HS6ST3: variants seen among roughly 807,000 people sequenced by gnomAD.
HS6ST3 encodes the protein heparan-sulfate 6-O-sulfotransferase 3.
A neutral mutation model predicts 36.7 loss-of-function variants in HS6ST3; 12 were observed. The ratio of observed to expected loss-of-function variants is 0.33; its 90% CI spans 0.21 to 0.53. The LOEUF is 0.53. Among genes scored for constraint, HS6ST3 ranks in the 20% least tolerant of loss-of-function variants. The pLI, the probability that HS6ST3 is intolerant of heterozygous loss-of-function variation, is 0.95. For missense variants in HS6ST3, 584 were observed against 640.9 expected (o/e 0.91, Z 0.96); for synonymous variants, 240 against 257.5 (o/e 0.93, Z 0.65).
intron 1 of HS6ST3, among the ~76,000 whole-genome samples, chr13:96,645,159 A>G (rs939686954): frequency 2.6e-5 from 4 of 152,064 alleles, no homozygotes; most frequent in African/African-American, 7.2e-5. Flanking sequence ...TGTTCTCACA[A>G]TGCTTTTAAG....
chr13:96,256,512 G>A (rs2054638370), intron 1 of HS6ST3, among the ~76,000 whole-genome samples: 1 of 152,186 alleles, frequency 6.6e-6, no homozygotes, highest in Non-Finnish European at 1.5e-5. Flanking sequence ...TGTGTGGTAG[G>A]GATCAGGAAG....
intron 1 of HS6ST3, among the ~76,000 whole-genome samples, chr13:96,102,698 C>T (rs1354551711): frequency 1.3e-5 from 2 of 152,166 alleles, no homozygotes; most frequent in Non-Finnish European, 2.9e-5. Context: ...GTAATTTTCT[C>T]TTCAACACCT....
At chr13:96,653,370 C>A (rs1429793902) in intron 1 of HS6ST3, among the ~76,000 whole-genome samples, 1 of 152,100 alleles carries the variant, frequency 6.6e-6, no homozygotes, top group East Asian at 1.9e-4. Context: ...GCCCCTCACC[C>A]ACTGACAAGC....
chr13:96,144,704 A>G (rs564160059), intron 1 of HS6ST3, among the ~76,000 whole-genome samples: 2 of 151,232 alleles, frequency 1.3e-5, no homozygotes, highest in East Asian at 2.0e-4. Flanking sequence ...GGTTTGTTAC[A>G]TATGTATACA....
At chr13:96,352,104 T>G (rs1207318396) in intron 1 of HS6ST3, among the ~76,000 whole-genome samples, 1 of 152,210 alleles carries the variant, frequency 6.6e-6, no homozygotes, top group Non-Finnish European at 1.5e-5. Flanking sequence ...GGAGGTCCAT[T>G]CTATGTAAAT....
intron 1 of HS6ST3, among the ~76,000 whole-genome samples, chr13:96,586,300 G>A (rs1290456978): frequency 2.0e-5 from 3 of 151,254 alleles, no homozygotes; most frequent in South Asian, 2.1e-4. Flanking sequence ...GTATTTCAAT[G>A]TCTTTTTTTT....
intron 1 of HS6ST3, among the ~76,000 whole-genome samples, chr13:96,416,665 T>G (rs2055534538): frequency 6.6e-6 from 1 of 151,900 alleles, no homozygotes; most frequent in South Asian, 2.1e-4. Flanking sequence ...AAGTGTATTT[T>G]TTTTTTTTTT....
intron 1 of HS6ST3, among the ~76,000 whole-genome samples, chr13:96,371,136 T>C (rs1024134509): frequency 2.6e-5 from 4 of 152,216 alleles, no homozygotes; most frequent in African/African-American, 9.6e-5. Context: ...CATAGTTTGA[T>C]TGAGTCATCT....
intron 1 of HS6ST3, among the ~76,000 whole-genome samples, chr13:96,454,816 A>G (rs1315070236): frequency 2.6e-5 from 4 of 151,576 alleles, no homozygotes; most frequent in Admixed American, 6.6e-5. Context: ...TATGTGGTTC[A>G]CTTCTTGTTT....
intron 1 of HS6ST3, among the ~76,000 whole-genome samples, chr13:96,278,183 T>A (rs1468969330): frequency 1.3e-5 from 2 of 152,194 alleles, no homozygotes; most frequent in Non-Finnish European, 1.5e-5. Flanking sequence ...ATTCAAGACC[T>A]ATGACAATCA....
chr13:96,148,938 A>G (rs530914336), intron 1 of HS6ST3, among the ~76,000 whole-genome samples: 1 of 152,354 alleles, frequency 6.6e-6, no homozygotes, highest in South Asian at 2.1e-4. Context: ...TATGAGAGGA[A>G]AACAAGACTG....
chr13:96,129,033 G>A (rs921028896), intron 1 of HS6ST3, among the ~76,000 whole-genome samples: 4 of 152,008 alleles, frequency 2.6e-5, no homozygotes, highest in African/African-American at 9.7e-5. Flanking sequence ...TTTTATTAGA[G>A]ACAGGGTTTC....
At chr13:96,520,211 T>C (rs2056087677) in intron 1 of HS6ST3, among the ~76,000 whole-genome samples, 1 of 152,220 alleles carries the variant, frequency 6.6e-6, no homozygotes, top group Admixed American at 6.5e-5. Context: ...TCCATTGGTC[T>C]GTATATCTGT....
intron 1 of HS6ST3, among the ~76,000 whole-genome samples, chr13:96,241,303 A>G (rs1420150786): frequency 6.6e-6 from 1 of 152,190 alleles, no homozygotes; most frequent in Admixed American, 6.5e-5. Context: ...TTCCATTTCT[A>G]TCACCTGTTT....
intron 1 of HS6ST3, among the ~76,000 whole-genome samples, chr13:96,351,335 T>TTTTTTTTTTTTTTTTTAA (rs1203595829): frequency 6.8e-6 from 1 of 146,366 alleles, no homozygotes; most frequent in African/African-American, 2.6e-5. Context: ...TTTTTTTTTT[T>TTTTTTTTTTTTTTTTTAA]AAAAAAAACA....
intron 1 of HS6ST3, among the ~76,000 whole-genome samples, chr13:96,139,541 GAAA>G (rs57777280): frequency 0.048 from 3,200 of 66,174 alleles, 21 homozygotes; most frequent in African/African-American, 0.055. Flanking sequence ...GTAAGATTCA[GAAA>G]AAAAAAAAAA....
intron 1 of HS6ST3, among the ~76,000 whole-genome samples, chr13:96,189,808 T>C (rs2054280637): frequency 6.6e-6 from 1 of 152,178 alleles, no homozygotes; most frequent in Admixed American, 6.6e-5. Context: ...CCCAAGAGAC[T>C]AAATCAACTA....
intron 1 of HS6ST3, among the ~76,000 whole-genome samples, chr13:96,646,244 T>C (rs1223221536): frequency 1.3e-5 from 2 of 152,008 alleles, no homozygotes; most frequent in East Asian, 3.9e-4. Flanking sequence ...TCTTTTTATG[T>C]GTCTTTCCAT....
intron 1 of HS6ST3, among the ~76,000 whole-genome samples, chr13:96,221,081 A>C (rs974752746): frequency 6.6e-5 from 10 of 152,190 alleles, no homozygotes; most frequent in African/African-American, 2.4e-4. Context: ...TGTCTCAAAT[A>C]GTCCCTCTGC....
Sources: allele counts gnomAD v4.1 joint callset (sites outside exome capture counted in the v4.1 genomes callset), GRCh38; gene constraint gnomAD v4.1.1; transcripts MANE v1.5; gene names NCBI Gene and HGNC (gene_info 2026-07-23, HGNC 2026-07-21).